PTPRN2: variants seen among roughly 807,000 people sequenced by gnomAD.
PTPRN2 encodes protein tyrosine phosphatase receptor type N2.
A neutral mutation model predicts 118.8 loss-of-function variants in PTPRN2; 74 were observed. That is an observed-to-expected ratio of 0.62 (90% CI 0.52 to 0.76). PTPRN2 has a LOEUF of 0.76. Among genes scored for constraint, PTPRN2 ranks in the 30% least tolerant of loss-of-function variants. The pLI is 0.00. For missense variants in PTPRN2, 1,481 were observed against 1,394.4 expected (o/e 1.06, Z -0.99); for synonymous variants, 641 against 608.0 (o/e 1.05, Z -0.80).
chr7:158,090,185 C>T (rs1232559593), intron 10 of PTPRN2, among the ~76,000 whole-genome samples: 46 of 148,648 alleles, frequency 3.1e-4, no homozygotes, highest in African/African-American at 7.1e-4. Flanking sequence ...CAAACCCTTC[C>T]TCCCCTGATG....
At chr7:157,708,908 G>C (rs890975996) in intron 12 of PTPRN2, among the ~76,000 whole-genome samples, 7 of 152,170 alleles carry the variant, frequency 4.6e-5, no homozygotes, top group Admixed American at 4.6e-4. Flanking sequence ...AGAGCTGAAC[G>C]TGCTCTCCCA....
intron 2 of PTPRN2, among the ~76,000 whole-genome samples, chr7:158,390,272 C>T (rs1157250693): frequency 2.6e-5 from 4 of 152,226 alleles, no homozygotes; most frequent in African/African-American, 9.6e-5. Flanking sequence ...CCTCTCCTTG[C>T]AGCCAGGGGC....
At chr7:158,080,981 C>T (rs549506844) in intron 11 of PTPRN2, among the ~76,000 whole-genome samples, 2 of 152,296 alleles carry the variant, frequency 1.3e-5, no homozygotes, top group South Asian at 2.1e-4. Context: ...TTCCAAAAGC[C>T]GGATTTGTTC....
chr7:158,149,942 T>C (rs1039651255), intron 6 of PTPRN2, among the ~76,000 whole-genome samples: 2 of 151,676 alleles, frequency 1.3e-5, no homozygotes, highest in Admixed American at 6.6e-5. Flanking sequence ...AAATAAAACA[T>C]ATGAAAAATA....
chr7:157,703,888 G>A (rs1044492419), intron 12 of PTPRN2, among the ~76,000 whole-genome samples: 3 of 152,182 alleles, frequency 2.0e-5, no homozygotes, highest in East Asian at 3.9e-4. Context: ...CTCTTTCCCT[G>A]TAATATTTAT....
Position 158,188,150 on chromosome 7 carries a change from G to A in PTPRN2, c.549+4177C>T, listed in dbSNP as rs1207708562. The stretch of plus-strand genomic sequence containing the variant: ...TAGTGCAGAGGCAGCCACCACGCTC[G>A]CCCCCTGTACTGGGAAGGCCGCCAC... On this transcript the variant is annotated intron_variant, in intron 5 of 22. Transcript: ENST00000389418. 1.1e-4 allele frequency among the ~76,000 whole-genome samples: 17 copies of A among 149,152 alleles called. 1 individual carries two copies. The highest frequency in any genetic ancestry group is 3.5e-4 in the African/African-American group (14 of 40,568).
At chr7:157,996,044 AG>A (rs1176385890) in intron 11 of PTPRN2, among the ~76,000 whole-genome samples, 1 of 152,262 alleles carries the variant, frequency 6.6e-6, no homozygotes, top group Non-Finnish European at 1.5e-5. Flanking sequence ...AATACTATTC[AG>A]CCATAAAAAA....
chr7:157,613,648 G>A lies in PTPRN2; in HGVS notation c.2344+7714C>T, dbSNP rs893068279. Among the ~76,000 whole-genome samples, 4 of 152,302 alleles carry A rather than the reference G, an allele frequency of 2.6e-5. No individual in the cohort carries two copies. In the East Asian group the frequency reaches 7.8e-4, roughly 30 times the overall value. ...CTTCCCCGGTTCTCCAGCCGACCCC[G>A]CCGCCTCCGTCTCCCACACGCAGGG... On this transcript the variant is annotated intron_variant, in intron 15 of 22. Transcript: ENST00000389418.
At chr7:158,499,457 A>G (rs773856266) in intron 1 of PTPRN2, among the ~76,000 whole-genome samples, 7 of 152,198 alleles carry the variant, frequency 4.6e-5, no homozygotes, top group Non-Finnish European at 5.9e-5. Flanking sequence ...TCTGGATCCA[A>G]ATTCTTCATC....
intron 11 of PTPRN2, among the ~76,000 whole-genome samples, chr7:158,071,748 A>AGGTGCTTGTGGTGATGGAGGTGCTTGTGG (rs1563393267): frequency 3.7e-5 from 1 of 27,158 alleles, no homozygotes; most frequent in African/African-American, 1.6e-4. Context: ...GGAGGTGCTC[A>AGGTGCTTGTGGTGATGGAGGTGCTTGTGG]TGGTGGAGGT....
intron 2 of PTPRN2, 81 bp from the exon 3 acceptor site, chr7:158,317,013 T>C: frequency 9.5e-7 from 1 of 1,055,650 alleles, no homozygotes; most frequent in Admixed American, 2.4e-5. Flanking sequence ...GTCCTTGCAA[T>C]GCGTTCTGAT....
intron 14 of PTPRN2, among the ~76,000 whole-genome samples, chr7:157,625,846 C>A (rs1648298001): frequency 6.6e-6 from 1 of 152,102 alleles, no homozygotes; most frequent in African/African-American, 2.4e-5. Flanking sequence ...TAAGGCACTG[C>A]AACTTTTGTT....
intron 3 of PTPRN2, among the ~76,000 whole-genome samples, chr7:158,238,129 G>A (rs978904215): frequency 1.6e-4 from 24 of 152,090 alleles, no homozygotes; most frequent in Non-Finnish European, 2.4e-4. Context: ...CGGCTAAGTC[G>A]CTAAGTCACG....
At chr7:158,228,058 T>C (rs1828924983) in intron 3 of PTPRN2, among the ~76,000 whole-genome samples, 1 of 152,204 alleles carries the variant, frequency 6.6e-6, no homozygotes, top group Non-Finnish European at 1.5e-5. Flanking sequence ...AAAAGCTCTA[T>C]GCGTATTCAA....
chr7:157,931,402 G>T (rs1373319032), intron 11 of PTPRN2, among the ~76,000 whole-genome samples: 1 of 152,210 alleles, frequency 6.6e-6, no homozygotes, highest in Admixed American at 6.5e-5. Flanking sequence ...GAAAGGGCAG[G>T]CCCAATCAGG....
intron 12 of PTPRN2, among the ~76,000 whole-genome samples, chr7:157,797,432 G>A (rs528949753): frequency 2.1e-4 from 32 of 152,374 alleles, no homozygotes; most frequent in African/African-American, 7.5e-4. Context: ...CTCCTGCCTG[G>A]CAGGTTACAC....
At chr7:158,301,557 TC>T (rs1800895232) in intron 3 of PTPRN2, among the ~76,000 whole-genome samples, 1 of 152,168 alleles carries the variant, frequency 6.6e-6, no homozygotes, top group Non-Finnish European at 1.5e-5. Context: ...ACCTTCAACA[TC>T]ATTAGGGAAG....
intron 10 of PTPRN2, among the ~76,000 whole-genome samples, chr7:158,085,866 C>T (rs1813358551): frequency 6.7e-6 from 1 of 148,494 alleles, no homozygotes; most frequent in African/African-American, 2.5e-5. Context: ...CCACGACGCC[C>T]ATCCACACCT....
chr7:158,331,596 AGGAC>A (rs1804463695), intron 2 of PTPRN2, among the ~76,000 whole-genome samples: 2 of 138,242 alleles, frequency 1.4e-5, no homozygotes, highest in Non-Finnish European at 3.1e-5. Flanking sequence ...ATAAGAGCTG[AGGAC>A]CACAGAGGTC....
Sources: allele counts gnomAD v4.1 joint callset (sites outside exome capture counted in the v4.1 genomes callset), GRCh38; gene constraint gnomAD v4.1.1; transcripts MANE v1.5; gene names NCBI Gene and HGNC (gene_info 2026-07-23, HGNC 2026-07-21).